Variants in DSCAM observed in about 807,000 individuals in gnomAD.
DSCAM encodes the protein cell adhesion molecule DSCAM.
Under a neutral mutation model 217.7 loss-of-function variants are expected in DSCAM, and 47 were observed. The observed-to-expected ratio is 0.22, with a 90% CI of 0.17 to 0.28. The LOEUF (loss-of-function observed/expected upper bound fraction) is 0.28, where lower values mean the gene tolerates loss of function less well. DSCAM is among the 10% of genes least tolerant of loss of function. The pLI is 1.00. For synonymous variants in DSCAM, 1,056 were observed against 1,015.3 expected (o/e 1.04, Z -0.76); for missense variants, 2,080 against 2,618.3 (o/e 0.79, Z 4.49).
At chr21:40,613,395 T>G (rs1490669693) in intron 3 of DSCAM, among the ~76,000 whole-genome samples, 1 of 152,170 alleles carries the variant, frequency 6.6e-6, no homozygotes, top group Non-Finnish European at 1.5e-5. Context: ...ACTGGTTCAT[T>G]TAACAGTGAT....
At chr21:40,381,279 T>C (rs1449968238) in intron 3 of DSCAM, among the ~76,000 whole-genome samples, 1 of 152,018 alleles carries the variant, frequency 6.6e-6, no homozygotes, top group East Asian at 1.9e-4. Context: ...GAATTGAAAG[T>C]AGCCCTTTAT....
intron 3 of DSCAM, among the ~76,000 whole-genome samples, chr21:40,520,494 A>T (rs909552125): frequency 2.6e-5 from 4 of 152,076 alleles, no homozygotes; most frequent in African/African-American, 9.7e-5. Context: ...ACAAACACTA[A>T]CGTGAGAATG....
intron 12 of DSCAM, among the ~76,000 whole-genome samples, chr21:40,188,802 T>C (rs1381048941): frequency 6.8e-6 from 1 of 148,034 alleles, no homozygotes; most frequent in Admixed American, 6.7e-5. Flanking sequence ...TTTTTTTTTT[T>C]ACTACATTTG....
chr21:40,721,377 T>G (rs1402516305), intron 1 of DSCAM, among the ~76,000 whole-genome samples: 5 of 152,176 alleles, frequency 3.3e-5, no homozygotes, highest in Non-Finnish European at 1.5e-5. Context: ...AGCATGGATA[T>G]TAACATCACT....
At chr21:40,746,506 T>C (rs1051271919) in intron 1 of DSCAM, among the ~76,000 whole-genome samples, 3 of 151,852 alleles carry the variant, frequency 2.0e-5, no homozygotes, top group Non-Finnish European at 3.0e-5. Flanking sequence ...ACATTACAAT[T>C]GTAAATATGT....
chr21:40,777,783 C>A (rs907625827), intron 1 of DSCAM, among the ~76,000 whole-genome samples: 1 of 152,010 alleles, frequency 6.6e-6, no homozygotes, highest in African/African-American at 2.4e-5. Flanking sequence ...CCCAAAAGTA[C>A]AATATACTGA....
At chr21:40,179,175 A>G in intron 14 of DSCAM, 81 bp from the exon 15 acceptor site, 1 of 612,894 alleles carries the variant, frequency 1.6e-6, no homozygotes, top group Non-Finnish European at 2.4e-6. Context: ...ACAAGTAGGA[A>G]TTAAAAACCA....
rs538191388 is a variant in DSCAM, at chr21:40,810,947, G to T, written c.43+35672C>A. 2.6e-5 allele frequency among the ~76,000 whole-genome samples: 4 copies of T among 152,146 alleles called. No individual in the cohort carries two copies. In the South Asian group the frequency reaches 8.3e-4, roughly 32 times the overall value. On this transcript the variant is annotated intron_variant, in intron 1 of 32. Coordinates refer to ENST00000400454, the MANE Select transcript of DSCAM (RefSeq NM_001389.5). ...TTATAAAAATAATTTTTTCACTTGG[G>T]GTCATTGTATGTTTGCAATGAGAGG...
chr21:40,836,126 C>T (rs989819833), intron 1 of DSCAM, among the ~76,000 whole-genome samples: 4 of 152,144 alleles, frequency 2.6e-5, no homozygotes, highest in African/African-American at 9.7e-5. Context: ...TGTCTCAGCC[C>T]GTTCTAGCTC....
intron 1 of DSCAM, among the ~76,000 whole-genome samples, chr21:40,791,099 G>A (rs776180128): frequency 6.6e-6 from 1 of 151,518 alleles, no homozygotes; most frequent in Admixed American, 6.6e-5. Context: ...CAGGAGAATC[G>A]CTTGAACCCA....
intron 3 of DSCAM, among the ~76,000 whole-genome samples, chr21:40,639,689 ATGTG>A (rs56796261): frequency 1.8e-4 from 27 of 150,380 alleles, no homozygotes; most frequent in Admixed American, 6.6e-4. Context: ...ATGTGTGTGC[ATGTG>A]TGTGTGTGTG....
At chr21:40,196,301 G>A (rs1014153255) in intron 11 of DSCAM, among the ~76,000 whole-genome samples, 4 of 152,152 alleles carry the variant, frequency 2.6e-5, no homozygotes, top group African/African-American at 7.2e-5. Context: ...ACCCTTGGCC[G>A]TCCTGGGTTT....
chr21:40,379,196 G>C (rs1211243505), intron 3 of DSCAM, among the ~76,000 whole-genome samples: 1 of 152,164 alleles, frequency 6.6e-6, no homozygotes, highest in Non-Finnish European at 1.5e-5. Context: ...TTAGAGGAAG[G>C]GGAGGAGAAA....
intron 3 of DSCAM, among the ~76,000 whole-genome samples, chr21:40,625,735 G>A (rs1026051135): frequency 1.3e-5 from 2 of 152,100 alleles, no homozygotes; most frequent in African/African-American, 4.8e-5. Flanking sequence ...TACTCACTGG[G>A]CAAACATGCT....
At chr21:40,178,876 G>C (rs1375654017) in intron 15 of DSCAM, 51 bp downstream of exon 15, 2 of 1,609,660 alleles carry the variant, frequency 1.2e-6, no homozygotes, top group Non-Finnish European at 1.7e-6. Flanking sequence ...GAGCCCTCAA[G>C]AGTTAGCTCC....
intron 4 of DSCAM, among the ~76,000 whole-genome samples, chr21:40,364,229 G>A (rs534673412): frequency 2.6e-5 from 4 of 152,214 alleles, no homozygotes; most frequent in South Asian, 2.1e-4. Context: ...ACATGCACAC[G>A]TATGTTTATT....
chr21:40,544,736 A>G lies in DSCAM; in HGVS notation c.508+148074T>C, dbSNP rs115508832. Among the ~76,000 whole-genome samples, 1,416 of 152,296 alleles carry G rather than the reference A, an allele frequency of 9.3e-3. 31 individuals carry two copies. Among genetic ancestry groups the G allele is most frequent in the African/African-American group, 0.031 (1,303 of 41,576 alleles). On this transcript the variant is annotated intron_variant, in intron 3 of 32. Transcript: ENST00000400454. ...GCCACACAGTTTATGTTAATGTGTT[A>G]TGACAACCCTAGGAAATGTACTTTA...
At chr21:40,070,292 G>A (rs1475509168) in intron 27 of DSCAM, among the ~76,000 whole-genome samples, 3 of 138,812 alleles carry the variant, frequency 2.2e-5, no homozygotes, top group African/African-American at 8.0e-5. Context: ...GAGGGAGGGA[G>A]GGAAGGAGAG....
At chr21:40,646,119 A>T (rs566218767) in intron 3 of DSCAM, among the ~76,000 whole-genome samples, 9 of 152,308 alleles carry the variant, frequency 5.9e-5, no homozygotes, top group Non-Finnish European at 1.0e-4. Flanking sequence ...AAGGCCTAGA[A>T]ATTAATCCTG....
Sources: allele counts gnomAD v4.1 joint callset (sites outside exome capture counted in the v4.1 genomes callset), GRCh38; gene constraint gnomAD v4.1.1; transcripts MANE v1.5; gene names NCBI Gene and HGNC (gene_info 2026-07-23, HGNC 2026-07-21).